The following GOLM2 variants were observed in gnomAD, a reference collection of about 807,000 sequenced individuals.
The protein encoded by GOLM2 is golgi membrane protein 2.
A neutral mutation model predicts 55.9 loss-of-function variants in GOLM2; 26 were observed. The observed-to-expected ratio is 0.47, with a 90% CI of 0.34 to 0.65. The LOEUF (loss-of-function observed/expected upper bound fraction) is 0.65, where lower values mean the gene tolerates loss of function less well. Among genes scored for constraint, GOLM2 ranks in the 30% least tolerant of loss-of-function variants. GOLM2 has a pLI of 0.01. For missense variants in GOLM2, 486 were observed against 531.8 expected (o/e 0.91, Z 0.85); for synonymous variants, 165 against 194.6 (o/e 0.85, Z 1.27).
At chr15:44,348,203 T>C (rs1054870063) in intron 6 of GOLM2, among the ~76,000 whole-genome samples, 2 of 149,792 alleles carry the variant, frequency 1.3e-5, no homozygotes, top group African/African-American at 2.5e-5. Flanking sequence ...CAGTGTAGAT[T>C]TGAACTTGGT....
intron 1 of GOLM2, among the ~76,000 whole-genome samples, chr15:44,315,674 A>C (rs77946675): frequency 0.024 from 3,693 of 152,312 alleles, 84 homozygotes; most frequent in East Asian, 0.1. Context: ...CATAAAACTC[A>C]GGAGAGAGGT....
chr15:44,389,139 G>A lies in GOLM2; in HGVS notation c.1072+8163G>A, dbSNP rs1189036611. On this transcript the variant is annotated intron_variant, in intron 8 of 9. Coordinates refer to ENST00000299957, the MANE Select transcript of GOLM2 (RefSeq NM_138423.4). ...GCTTGAAAATTCATTTTTAAGTACAGTTTTGCTTTATAGTTTTCTTCTTTT... is the reference window on the plus strand; with the variant it reads ...GCTTGAAAATTCATTTTTAAGTACAATTTTGCTTTATAGTTTTCTTCTTTT... Among the ~76,000 whole-genome samples the A allele has an allele frequency of 2.6e-5, 4 of 152,052 alleles. No individual in the cohort carries two copies. In the East Asian group the frequency reaches 7.7e-4, roughly 29 times the overall value.
At chr15:44,400,721 C>T (rs932836949) in intron 8 of GOLM2, among the ~76,000 whole-genome samples, 8 of 151,728 alleles carry the variant, frequency 5.3e-5, no homozygotes, top group African/African-American at 9.7e-5. Context: ...GGACTACAGG[C>T]GCCTGCCACC....
At chr15:44,408,704 C>A (rs1171115641) in intron 9 of GOLM2, among the ~76,000 whole-genome samples, 1 of 152,194 alleles carries the variant, frequency 6.6e-6, no homozygotes, top group Admixed American at 6.5e-5. Context: ...AAGGGCCAGG[C>A]GCGGTGGTTC....
intron 6 of GOLM2, among the ~76,000 whole-genome samples, chr15:44,371,675 C>G (rs2079330372): frequency 6.6e-6 from 1 of 152,132 alleles, no homozygotes; most frequent in Non-Finnish European, 1.5e-5. Context: ...TGGTCAATTG[C>G]TGATCTGAGT....
At chr15:44,374,218 A>T (rs1217948981) in intron 6 of GOLM2, among the ~76,000 whole-genome samples, 1 of 152,174 alleles carries the variant, frequency 6.6e-6, no homozygotes, top group African/African-American at 2.4e-5. Flanking sequence ...ATATGCTCTA[A>T]TGGCTTTGGT....
chr15:44,343,780 C>T (rs372757009), intron 6 of GOLM2, among the ~76,000 whole-genome samples: 3 of 148,230 alleles, frequency 2.0e-5, no homozygotes, highest in East Asian at 2.0e-4. Context: ...ACTGAGATCG[C>T]GCCACTACAC....
rs752242710 is a variant in GOLM2 at position 44,289,282 on chromosome 15, G to A, written c.253G>A (p.Glu85Lys). ...GCACAAGAAACAGATCGACCAGAAG[G>A]AGGCCGACTACGGCCGCCTCAGCAG... ...DTHKKQIDQK[E>K]ADYGRLSSRL... is the part of the protein sequence containing the mutation. The change falls in exon 1 of 10, where the codon GAG (glutamate) becomes AAG (lysine). Residue 85 changes from glutamate to lysine, a missense_variant. Coordinates refer to ENST00000299957, the MANE Select transcript of GOLM2 (RefSeq NM_138423.4). This position sits in a 1 kb window ranked among gnomAD's most constrained non-coding sequence, Gnocchi z 4.8. 3 of 1,613,750 alleles carry A rather than the reference G, an allele frequency of 1.9e-6. No homozygotes were observed. The highest frequency in any genetic ancestry group is 2.5e-6 in the Non-Finnish European group (3 of 1,179,910).
chr15:44,338,055 G>C (rs1452144067), intron 5 of GOLM2, 148 bp downstream of exon 5: 8 of 1,013,974 alleles, frequency 7.9e-6, no homozygotes, highest in Non-Finnish European at 1.0e-5. Context: ...AATTTGGATT[G>C]TTTGATAGAA....
At chr15:44,405,836 G>A (rs533869275) in intron 9 of GOLM2, among the ~76,000 whole-genome samples, 10 of 152,142 alleles carry the variant, frequency 6.6e-5, no homozygotes, top group African/African-American at 2.4e-4. Context: ...TGGTCAGGCT[G>A]GCCTCGAACT....
At chr15:44,311,473 T>C (rs1327666135) in intron 1 of GOLM2, among the ~76,000 whole-genome samples, 5 of 152,184 alleles carry the variant, frequency 3.3e-5, no homozygotes, top group African/African-American at 4.8e-5. Context: ...CTTTTCTTTT[T>C]TTTTTTATTA....
At chr15:44,336,667 A>G (rs1303536397) in intron 4 of GOLM2, among the ~76,000 whole-genome samples, 1 of 151,962 alleles carries the variant, frequency 6.6e-6, no homozygotes, top group African/African-American at 2.4e-5. Flanking sequence ...CTGTAATCCC[A>G]GCACTTTGGG....
intron 6 of GOLM2, among the ~76,000 whole-genome samples, chr15:44,345,475 G>T (rs900372672): frequency 8.6e-5 from 13 of 151,728 alleles, no homozygotes; most frequent in African/African-American, 2.9e-4. Context: ...GCCCAGGCTG[G>T]TCTCGAACTC....
At chr15:44,297,921 A>G (rs1349453997) in intron 1 of GOLM2, among the ~76,000 whole-genome samples, 1 of 106,324 alleles carries the variant, frequency 9.4e-6, no homozygotes, top group Non-Finnish European at 1.9e-5. Flanking sequence ...AGGCTGCAGT[A>G]CAGTGACGCA....
In GOLM2 at chr15:44,289,215, G is replaced by T. The variant is rs891526631; in HGVS notation, c.186G>T (p.Arg62=). The change falls in exon 1 of 10, where the codon CGG becomes CGT. Residue 62 remains arginine (R), a synonymous_variant. Transcript: ENST00000299957. The surrounding 1 kb of genome is among the most constrained non-coding windows in gnomAD (Gnocchi z 4.8). The part of the protein sequence containing the change: ...QVQRTEVARG[R]LEKRNSDLLL... ...AGCGCACCGAAGTGGCCCGCGGGCG[G>T]CTGGAAAAGCGCAATTCGGACCTCT... 3 of 1,614,206 alleles carry T rather than the reference G, an allele frequency of 1.9e-6. No homozygotes were observed. Among genetic ancestry groups the T allele is most frequent in the Non-Finnish European group, 2.5e-6 (3 of 1,180,022 alleles).
At chr15:44,372,253 G>A (rs1026786292) in intron 6 of GOLM2, among the ~76,000 whole-genome samples, 2 of 152,182 alleles carry the variant, frequency 1.3e-5, no homozygotes, top group South Asian at 2.1e-4. Context: ...GGTAGTGTCT[G>A]TAATATTAGA....
intron 1 of GOLM2, among the ~76,000 whole-genome samples, chr15:44,317,547 A>T (rs1235943311): frequency 6.6e-6 from 1 of 152,216 alleles, no homozygotes; most frequent in African/African-American, 2.4e-5. Flanking sequence ...AGCAGTTCTG[A>T]GTGAGCAAAC....
chr15:44,297,655 G>A (rs1232828088), intron 1 of GOLM2, among the ~76,000 whole-genome samples: 2 of 150,820 alleles, frequency 1.3e-5, no homozygotes, highest in Non-Finnish European at 2.9e-5. Context: ...TCCGCCTCCC[G>A]GGTTCACACC....
rs2078700367 is a variant in GOLM2, at chr15:44,289,001, G to A, written c.-29G>A. 2 of 1,580,782 alleles carry A rather than the reference G, an allele frequency of 1.3e-6. No homozygotes were observed. Among genetic ancestry groups the A allele is most frequent in the Non-Finnish European group, 8.6e-7 (1 of 1,159,816 alleles). ...TCTGCCTGCAGGTGTCTGCGGCGAG[G>A]CCCCTAGGGTACAGCCCGATTTGGC... On this transcript the variant is annotated 5_prime_UTR_variant, in exon 1 of 10. Coordinates refer to ENST00000299957, the MANE Select transcript of GOLM2 (RefSeq NM_138423.4). The surrounding 1 kb of genome is among the most constrained non-coding windows in gnomAD (Gnocchi z 4.8).
Sources: gnomAD v4.1 joint callset for allele counts (sites outside exome capture counted in the v4.1 genomes callset) on GRCh38, gnomAD v4.1.1 for gene constraint, Gnocchi (gnomAD v3.1) non-coding constraint, MANE v1.5 for transcripts, NCBI Gene and HGNC (gene_info 2026-07-23, HGNC 2026-07-21) for gene names.